The following CNTN1 variants were observed in gnomAD, a reference collection of about 807,000 sequenced individuals.
The protein encoded by CNTN1 is contactin 1, also known as contactin-1.
Under a neutral mutation model 126.4 loss-of-function variants are expected in CNTN1, and 38 were observed. The observed-to-expected ratio is 0.30, with a 90% CI of 0.23 to 0.39. The LOEUF is 0.39. Among genes scored for constraint, CNTN1 ranks in the 10% least tolerant of loss-of-function variants. CNTN1 has a pLI of 1.00. For synonymous variants in CNTN1, 413 were observed against 422.6 expected (o/e 0.98, Z 0.28); for missense variants, 1,009 against 1,248.4 (o/e 0.81, Z 2.89).
chr12:40,720,003 A>ATTTTTTTTTT (rs561694238), intron 1 of CNTN1, among the ~76,000 whole-genome samples: 60 of 127,216 alleles, frequency 4.7e-4, no homozygotes, highest in African/African-American at 6.0e-4. Context: ...CGCCCGGTTA[A>ATTTTTTTTTT]TTTTTTTTTT....
At chr12:41,032,449 A>G (rs1949166674) in intron 23 of CNTN1, among the ~76,000 whole-genome samples, 1 of 151,958 alleles carries the variant, frequency 6.6e-6, no homozygotes, top group South Asian at 2.1e-4. Flanking sequence ...TGTGGCCTAT[A>G]GTGGTCTATA....
chr12:40,907,689 A>G (rs576357305), intron 1 of CNTN1, among the ~76,000 whole-genome samples: 1 of 152,360 alleles, frequency 6.6e-6, no homozygotes, highest in East Asian at 1.9e-4. Context: ...TTTTGGCCCC[A>G]CAAAACCTTG....
At chr12:40,939,267 A>T in intron 11 of CNTN1, 68 bp from the exon 12 acceptor site, 1 of 1,537,372 alleles carries the variant, frequency 6.5e-7, no homozygotes, top group Non-Finnish European at 9.0e-7. Context: ...AAAAGATTCT[A>T]CAACACAGAA....
intron 1 of CNTN1, among the ~76,000 whole-genome samples, chr12:40,857,857 T>C (rs894097066): frequency 6.6e-6 from 1 of 152,110 alleles, no homozygotes; most frequent in Non-Finnish European, 1.5e-5. Flanking sequence ...TGCAAGTTCC[T>C]TTGTGTTTTG....
intron 3 of CNTN1, among the ~76,000 whole-genome samples, chr12:40,910,920 C>T (rs569202637): frequency 3.2e-4 from 48 of 152,242 alleles, no homozygotes; most frequent in African/African-American, 1.0e-3. Flanking sequence ...CTAGAACTTG[C>T]ATGCCAAATC....
intron 1 of CNTN1, among the ~76,000 whole-genome samples, chr12:40,743,023 C>A (rs533691225): frequency 1.3e-5 from 2 of 152,104 alleles, no homozygotes; most frequent in East Asian, 3.9e-4. Flanking sequence ...TATGGGAATG[C>A]GGCGAGCAGG....
chr12:40,720,003 A>ATTTTTTTTTTTTTTT (rs561694238), intron 1 of CNTN1, among the ~76,000 whole-genome samples: 5 of 127,236 alleles, frequency 3.9e-5, no homozygotes, highest in African/African-American at 1.5e-4. Context: ...CGCCCGGTTA[A>ATTTTTTTTTTTTTTT]TTTTTTTTTT....
chr12:41,000,636 TTTTTAA>T (rs1658664334), intron 17 of CNTN1, among the ~76,000 whole-genome samples: 1 of 151,900 alleles, frequency 6.6e-6, no homozygotes, highest in Admixed American at 6.6e-5. Context: ...AGTTTTATTT[TTTTTAA>T]TTTTAAGTTA....
intron 14 of CNTN1, among the ~76,000 whole-genome samples, chr12:40,951,500 A>G (rs1946677371): frequency 6.6e-6 from 1 of 152,020 alleles, no homozygotes; most frequent in Non-Finnish European, 1.5e-5. Context: ...CAAAAACTAG[A>G]TAACATTAGA....
chr12:41,066,624 G>A (rs13340827), intron 23 of CNTN1, among the ~76,000 whole-genome samples: 13,381 of 152,114 alleles, frequency 0.088, 862 homozygotes, highest in African/African-American at 0.16. Context: ...TTATGGCATC[G>A]TCAGCAATAG....
At chr12:40,882,463 A>G (rs773609742) in intron 1 of CNTN1, among the ~76,000 whole-genome samples, 2 of 151,718 alleles carry the variant, frequency 1.3e-5, no homozygotes, top group African/African-American at 2.4e-5. Context: ...TCCCAGATTG[A>G]TTTTGGTTTC....
chr12:41,024,391 T>C (rs1054212630), intron 20 of CNTN1, among the ~76,000 whole-genome samples: 3 of 152,052 alleles, frequency 2.0e-5, no homozygotes, highest in Non-Finnish European at 4.4e-5. Context: ...TAGATATAAT[T>C]ATAAATCTTG....
rs970412509 is a variant in CNTN1, at chr12:40,700,614, A to G, written c.-77+8022A>G. Among the ~76,000 whole-genome samples, 78 of 152,190 alleles carry G rather than the reference A, an allele frequency of 5.1e-4. 1 individual carries two copies. The highest frequency in any genetic ancestry group is 1.5e-5 in the Non-Finnish European group (1 of 68,034). ...TAGTCTTCAGGTTTTGGCTTAGCAT[A>G]TATTCTGTGTAATCTTGGAGAACCA... On this transcript the variant is annotated intron_variant, in intron 1 of 23. Coordinates refer to ENST00000551295, the MANE Select transcript of CNTN1 (RefSeq NM_001843.4).
rs146697946 is a variant in CNTN1, at chr12:41,020,000, GT to G, written c.2420-328del. 0.012 allele frequency among the ~76,000 whole-genome samples: 1,816 copies of G among 150,876 alleles called. 37 individuals are homozygous for G. Among genetic ancestry groups the G allele is most frequent in the African/African-American group, 0.041 (1,705 of 41,184 alleles). On this transcript the variant is annotated intron_variant, in intron 19 of 23. Coordinates refer to ENST00000551295, the MANE Select transcript of CNTN1 (RefSeq NM_001843.4). ...TCAGTTGAGAGAAATTAAAAAAATA[GT>G]TTTTTTTTGCTCACAGATGTAATAG...
intron 1 of CNTN1, among the ~76,000 whole-genome samples, chr12:40,798,925 T>C (rs1940544991): frequency 1.3e-5 from 2 of 151,984 alleles, no homozygotes; most frequent in Non-Finnish European, 2.9e-5. Context: ...ACATCCATGC[T>C]ACTCTCTAGT....
At chr12:40,802,010 A>G (rs887941080) in intron 1 of CNTN1, among the ~76,000 whole-genome samples, 3 of 151,900 alleles carry the variant, frequency 2.0e-5, no homozygotes, top group African/African-American at 7.2e-5. Flanking sequence ...GGGGATAGAA[A>G]AAGGAATTGT....
Position 41,050,145 on chromosome 12 carries a change from C to A in CNTN1, c.2981-19814C>A, listed in dbSNP as rs548641529. On this transcript the variant is annotated intron_variant, in intron 23 of 23. Coordinates refer to ENST00000551295, the MANE Select transcript of CNTN1 (RefSeq NM_001843.4). Reference sequence around the variant, plus strand: ...GAACTCCTGACCTCAGGTGATCCGCCTGCCTCGGCCTCCCAAAGTGCTGGG... The same window carrying A: ...GAACTCCTGACCTCAGGTGATCCGCATGCCTCGGCCTCCCAAAGTGCTGGG... Among the ~76,000 whole-genome samples the A allele has an allele frequency of 3.3e-5, 5 of 152,306 alleles. No homozygotes were observed. The East Asian group carries it at 7.7e-4, about 24-fold the overall frequency.
intron 1 of CNTN1, among the ~76,000 whole-genome samples, chr12:40,878,486 TAGTTTTACCATTTTTAA>T (rs1943756665): frequency 6.6e-6 from 1 of 152,140 alleles, no homozygotes; most frequent in Admixed American, 6.5e-5. Flanking sequence ...CATGTTCAAT[TAGTTTTACCATTTTTAA>T]AAAAATCGGA....
At chr12:40,769,066 G>C (rs893705619) in intron 1 of CNTN1, among the ~76,000 whole-genome samples, 1 of 152,052 alleles carries the variant, frequency 6.6e-6, no homozygotes, top group South Asian at 2.1e-4. Context: ...AGGTCTGAGT[G>C]GGTATAATTG....
Sources: allele counts gnomAD v4.1 joint callset (sites outside exome capture counted in the v4.1 genomes callset), GRCh38; gene constraint gnomAD v4.1.1; transcripts MANE v1.5; gene names NCBI Gene and HGNC (gene_info 2026-07-23, HGNC 2026-07-21).